RNF125: variants seen among roughly 807,000 people sequenced by gnomAD.
RNF125 encodes the protein ring finger protein 125.
Under a neutral mutation model 26.0 loss-of-function variants are expected in RNF125, and 21 were observed. The ratio of observed to expected loss-of-function variants is 0.81; its 90% CI spans 0.57 to 1.16. The LOEUF is 1.16. RNF125 is among the 50% of genes most tolerant of loss of function. The pLI, the probability that RNF125 is intolerant of heterozygous loss-of-function variation, is 0.00. For missense variants in RNF125, 270 were observed against 299.4 expected, an observed-to-expected ratio of 0.90 and a Z score of 0.72; for synonymous variants, 95 against 109.2, an observed-to-expected ratio of 0.87 and a Z score of 0.81.
intron 3 of RNF125, among the ~76,000 whole-genome samples, chr18:32,043,296 C>A (rs1368166527): frequency 6.6e-6 from 1 of 152,194 alleles, no homozygotes; most frequent in African/African-American, 2.4e-5. Context: ...GGCTTTCCAG[C>A]CATTAATCTG....
chr18:32,074,862 A>G (rs1464339301), downstream of RNF125, among the ~76,000 whole-genome samples: 1 of 152,176 alleles, frequency 6.6e-6, no homozygotes, highest in Non-Finnish European at 1.5e-5. Context: ...TAATATTTTC[A>G]TTAATTTTAC....
At chr18:32,056,845 TACAA>T (rs2039390173) in intron 4 of RNF125, among the ~76,000 whole-genome samples, 1 of 152,164 alleles carries the variant, frequency 6.6e-6, no homozygotes, top group Admixed American at 6.5e-5. Context: ...AGCAAAAAAT[TACAA>T]ACCTTCTTCC....
downstream of RNF125, among the ~76,000 whole-genome samples, chr18:32,076,996 A>G (rs912106187): frequency 6.6e-6 from 1 of 152,180 alleles, no homozygotes; most frequent in Non-Finnish European, 1.5e-5. Context: ...AAGTTATCTT[A>G]TACATTTATT....
rs188620764 is a variant in RNF125, at chr18:32,072,341, A to G, written c.*3957A>G. ...AGTCCAGAGCCTGAGAAATGAAAAC[A>G]TATTTTTAAGCATTGGTGTTGACCA... On this transcript the variant is annotated 3_prime_UTR_variant, in exon 6 of 6. Coordinates refer to ENST00000217740, the MANE Select transcript of RNF125 (RefSeq NM_017831.4). The G allele has an allele frequency of 1.9e-4, 29 of 152,368 alleles. No homozygotes were observed. Among genetic ancestry groups the G allele is most frequent in the African/African-American group, 7.0e-4 (29 of 41,592 alleles). The allele number at this position is 152,368 out of a possible 1,614,324, so 9.4% of individuals were successfully genotyped here.
At chr18:32,074,871 A>G (rs2039559360), downstream of RNF125, among the ~76,000 whole-genome samples, 1 of 152,156 alleles carries the variant, frequency 6.6e-6, no homozygotes, top group Admixed American at 6.5e-5. Context: ...CATTAATTTT[A>G]CTTAAAGTTT....
chr18:32,075,297 C>T (rs2039562671), downstream of RNF125, among the ~76,000 whole-genome samples: 1 of 152,174 alleles, frequency 6.6e-6, no homozygotes, highest in African/African-American at 2.4e-5. Flanking sequence ...GTGGCTCACG[C>T]CTGTAATCCC....
chr18:32,019,169 G>C, intron 1 of RNF125, 142 bp downstream of exon 1: 2 of 976,962 alleles, frequency 2.0e-6, no homozygotes, highest in Non-Finnish European at 3.0e-6. Context: ...CCCGTCGGAT[G>C]CAGGACCACG....
intron 4 of RNF125, among the ~76,000 whole-genome samples, chr18:32,055,107 G>A (rs2144499917): frequency 6.6e-6 from 1 of 151,718 alleles, no homozygotes; most frequent in African/African-American, 2.4e-5. Flanking sequence ...GGCCAGCCTG[G>A]GCAACGGAGC....
chr18:32,023,014 ACT>A (rs1471997881), intron 1 of RNF125, among the ~76,000 whole-genome samples: 1 of 151,688 alleles, frequency 6.6e-6, no homozygotes, highest in African/African-American at 2.4e-5. Context: ...GTGAGATCTC[ACT>A]CTGCCACCCA....
intron 1 of RNF125, among the ~76,000 whole-genome samples, chr18:32,032,336 C>T (rs1366065129): frequency 6.6e-6 from 1 of 151,656 alleles, no homozygotes; most frequent in Non-Finnish European, 1.5e-5. Flanking sequence ...CCTCAGCCTC[C>T]CAAAGTGTTA....
At position 32,069,285 on chromosome 18, in the gene RNF125, C is replaced by T. The variant is rs1285017058; in HGVS notation, c.*901C>T. On this transcript the variant is annotated 3_prime_UTR_variant, in exon 6 of 6. Coordinates refer to ENST00000217740, the MANE Select transcript of RNF125 (RefSeq NM_017831.4). ...ACAAATTTTGTGTTAGAAAAGTATA[C>T]TTAATTCTTTGACTTTTTATAACTG... The T allele has an allele frequency of 6.6e-6, 1 of 151,232 alleles. No individual in the cohort carries two copies. The highest frequency in any genetic ancestry group is 2.4e-5 in the African/African-American group (1 of 41,152). 9.4% of individuals were successfully genotyped at this position (151,232 alleles called of 1,614,324 possible). A position where few individuals can be genotyped will look rare whatever the true frequency, so the allele number is the denominator to read the frequency against.
chr18:32,036,646 A>AGGGGAGGGAGGGAGGGGAGG (rs2039158941), intron 1 of RNF125, among the ~76,000 whole-genome samples: 2 of 12,260 alleles, frequency 1.6e-4, no homozygotes, highest in Non-Finnish European at 3.2e-4. Context: ...GGGAGGGGAG[A>AGGGGAGGGAGGGAGGGGAGG]GGGGAGGGGA....
At chr18:32,021,197 C>T (rs2038982966) in intron 1 of RNF125, among the ~76,000 whole-genome samples, 1 of 152,194 alleles carries the variant, frequency 6.6e-6, no homozygotes, top group Non-Finnish European at 1.5e-5. Context: ...TCTCCTGCCT[C>T]AGCCTCCCGA....
chr18:32,057,763 T>C (rs1337602934), intron 4 of RNF125, among the ~76,000 whole-genome samples: 1 of 152,202 alleles, frequency 6.6e-6, no homozygotes, highest in African/African-American at 2.4e-5. Flanking sequence ...AGAAATTATA[T>C]TGTCTTTAAG....
chr18:32,021,999 G>T (rs1013965529), intron 1 of RNF125, among the ~76,000 whole-genome samples: 5 of 152,048 alleles, frequency 3.3e-5, no homozygotes, highest in Non-Finnish European at 7.4e-5. Flanking sequence ...AACTTACTTG[G>T]TCCCCTTCCA....
chr18:32,036,628 G>A (rs1317397180), intron 1 of RNF125, among the ~76,000 whole-genome samples: 4 of 125,222 alleles, frequency 3.2e-5, no homozygotes, highest in East Asian at 2.7e-4. Context: ...GAGGGGAGAG[G>A]GGAGGGAGGG....
At chr18:32,067,210 G>A (rs922681128) in intron 5 of RNF125, among the ~76,000 whole-genome samples, 8 of 152,140 alleles carry the variant, frequency 5.3e-5, no homozygotes, top group Non-Finnish European at 4.4e-5. Flanking sequence ...CCGTGATCGC[G>A]CCACTGCACT....
intron 2 of RNF125, among the ~76,000 whole-genome samples, chr18:32,041,589 A>G (rs1439227967): frequency 2.0e-5 from 3 of 148,448 alleles, no homozygotes; most frequent in Non-Finnish European, 4.5e-5. Context: ...TTGAGTCACC[A>G]CACATCTATC....
downstream of RNF125, among the ~76,000 whole-genome samples, chr18:32,074,983 A>G (rs941840568): frequency 1.3e-5 from 2 of 152,192 alleles, no homozygotes; most frequent in African/African-American, 4.8e-5. Context: ...AAAATGCCAA[A>G]TATGTTCTCT....
Sources: gnomAD v4.1 joint callset for allele counts (sites outside exome capture counted in the v4.1 genomes callset) on GRCh38, gnomAD v4.1.1 for gene constraint, MANE v1.5 for transcripts, NCBI Gene and HGNC (gene_info 2026-07-23, HGNC 2026-07-21) for gene names.